IMMP2L: variants seen among roughly 807,000 people sequenced by gnomAD.
IMMP2L encodes the protein inner mitochondrial membrane peptidase subunit 2.
A neutral mutation model predicts 19.3 loss-of-function variants in IMMP2L; 18 were observed. The ratio of observed to expected loss-of-function variants is 0.93; its 90% CI spans 0.64 to 1.38. The LOEUF (loss-of-function observed/expected upper bound fraction) is 1.38. Among genes scored for constraint, IMMP2L ranks in the 40% most tolerant of loss-of-function variants. The pLI is 0.00. For missense variants in IMMP2L, 233 were observed against 218.2 expected (o/e 1.07, Z -0.43); for synonymous variants, 76 against 73.0 (o/e 1.04, Z -0.21).
chr7:111,497,777 T>G (rs1025014056), intron 2 of IMMP2L, among the ~76,000 whole-genome samples: 1 of 151,986 alleles, frequency 6.6e-6, no homozygotes, highest in Non-Finnish European at 1.5e-5. Flanking sequence ...ATCTGTTAAG[T>G]GGGCTAACAT....
intron 5 of IMMP2L, among the ~76,000 whole-genome samples, chr7:110,741,272 C>A (rs955657415): frequency 6.6e-6 from 1 of 152,220 alleles, no homozygotes; most frequent in East Asian, 1.9e-4. Flanking sequence ...ATGGACACGA[C>A]CTGTTCCCCC....
chr7:111,487,251 T>C lies in IMMP2L; in HGVS notation c.226A>G (p.Ile76Val). 1.3e-6 allele frequency: 2 copies of C among 1,544,890 alleles called. No individual in the cohort carries two copies. Among genetic ancestry groups the C allele is most frequent in the Non-Finnish European group, 8.9e-7 (1 of 1,117,486 alleles). The stretch of plus-strand genomic sequence containing the variant: ...TGAGTTACTTACACCAATGATACAA[T>C]GTCACCACGGTGTACTTCAAAATTC... ...VRNFEVHRGDIVSLVSPKNPE... is the reference protein window; with the variant it reads ...VRNFEVHRGDVVSLVSPKNPE... Residue 76 changes from isoleucine (I) to valine (V), a missense_variant, in exon 3 of 6, where the codon ATT (isoleucine) becomes GTT (valine). Transcript: ENST00000405709.
chr7:111,272,856 C>T (rs1027186723), intron 3 of IMMP2L, among the ~76,000 whole-genome samples: 5 of 152,014 alleles, frequency 3.3e-5, no homozygotes, highest in African/African-American at 1.2e-4. Context: ...AGTAAGATCA[C>T]CTCAGATTAT....
At chr7:111,404,023 C>A (rs1445856250) in intron 3 of IMMP2L, among the ~76,000 whole-genome samples, 3 of 152,140 alleles carry the variant, frequency 2.0e-5, no homozygotes, top group African/African-American at 7.2e-5. Context: ...CGGCATAACA[C>A]ACAGGGAGTT....
At chr7:111,059,629 C>T (rs1177606555) in intron 3 of IMMP2L, among the ~76,000 whole-genome samples, 1 of 152,132 alleles carries the variant, frequency 6.6e-6, no homozygotes, top group Non-Finnish European at 1.5e-5. Context: ...CTCAAATGCT[C>T]ACTTAATTTT....
At chr7:111,268,014 AT>A (rs1302180830) in intron 3 of IMMP2L, among the ~76,000 whole-genome samples, 1 of 152,192 alleles carries the variant, frequency 6.6e-6, no homozygotes, top group Admixed American at 6.5e-5. Context: ...GGCACTAATT[AT>A]AAATAATAAC....
chr7:111,064,036 G>C (rs1364663741), intron 3 of IMMP2L, among the ~76,000 whole-genome samples: 2 of 152,082 alleles, frequency 1.3e-5, no homozygotes, highest in Non-Finnish European at 2.9e-5. Flanking sequence ...CCAATTTACT[G>C]TATTCATCAG....
At chr7:111,480,147 A>G (rs933017033) in intron 3 of IMMP2L, among the ~76,000 whole-genome samples, 16 of 150,476 alleles carry the variant, frequency 1.1e-4, no homozygotes, top group Non-Finnish European at 1.3e-4. Flanking sequence ...GCAGTGGCGC[A>G]ATCTCGGCTC....
chr7:111,451,296 A>G lies in IMMP2L; in HGVS notation c.239+35942T>C, dbSNP rs1021084430. ...ATTGCGGCATTATTCACAATAGCAA[A>G]GACTTGGAACCAACCCAAATGTCCA... On this transcript the variant is annotated intron_variant, in intron 3 of 5. Transcript: ENST00000405709. Among the ~76,000 whole-genome samples, 75 of 150,932 alleles carry G rather than the reference A, an allele frequency of 5.0e-4. 2 individuals carry two copies. The highest frequency in any genetic ancestry group is 1.7e-3 in the African/African-American group (69 of 40,616).
At chr7:111,282,560 T>C (rs976278520) in intron 3 of IMMP2L, among the ~76,000 whole-genome samples, 2 of 152,034 alleles carry the variant, frequency 1.3e-5, no homozygotes, top group Non-Finnish European at 2.9e-5. Flanking sequence ...ACAATAATAG[T>C]TGGAAATTTA....
intron 5 of IMMP2L, among the ~76,000 whole-genome samples, chr7:110,804,286 A>G (rs989846214): frequency 3.3e-5 from 5 of 152,020 alleles, no homozygotes; most frequent in Non-Finnish European, 7.4e-5. Flanking sequence ...TCTGTGTGGC[A>G]TTCCTAAAAG....
At chr7:111,005,782 A>G (rs189520214) in intron 3 of IMMP2L, among the ~76,000 whole-genome samples, 62 of 152,308 alleles carry the variant, frequency 4.1e-4, no homozygotes, top group Admixed American at 3.1e-3. Context: ...ATGCAAGTTT[A>G]TTCTTTGAAA....
intron 3 of IMMP2L, among the ~76,000 whole-genome samples, chr7:111,320,785 G>A (rs1327557320): frequency 6.6e-6 from 1 of 152,018 alleles, no homozygotes; most frequent in East Asian, 1.9e-4. Flanking sequence ...TTCTCCAGGT[G>A]ACACATCTGT....
chr7:110,791,602 G>C (rs570021143), intron 5 of IMMP2L, among the ~76,000 whole-genome samples: 1 of 151,738 alleles, frequency 6.6e-6, no homozygotes, highest in South Asian at 2.1e-4. Flanking sequence ...GGAACCAACT[G>C]TGTGATGGAT....
In IMMP2L at chr7:111,547,515, C is replaced by CCCCG. The variant is rs1176712613; in HGVS notation, c.-3+14335_-3+14336insCGGG. Among the ~76,000 whole-genome samples, 101 of 147,950 alleles carry CCCCG rather than the reference C, an allele frequency of 6.8e-4. 3 individuals carry two copies. Among genetic ancestry groups the CCCCG allele is most frequent in the African/African-American group, 2.5e-3 (97 of 38,810 alleles). ...TAAACAAACTGTCATACCCCCCCCCCCTTTTTATCCTGCTTTTTTGCTTGT... is the reference window on the plus strand; with the variant it reads ...TAAACAAACTGTCATACCCCCCCCCCCCCGCTTTTTATCCTGCTTTTTTGCTTGT... On this transcript the variant is annotated intron_variant, in intron 1 of 5. Transcript: ENST00000405709.
chr7:111,545,650 T>C (rs1563339865), intron 1 of IMMP2L, among the ~76,000 whole-genome samples: 1 of 152,182 alleles, frequency 6.6e-6, no homozygotes. Flanking sequence ...CCTCTCAAAT[T>C]ATATACTGTG....
intron 1 of IMMP2L, among the ~76,000 whole-genome samples, chr7:111,537,737 T>C (rs1046267813): frequency 3.3e-5 from 5 of 151,878 alleles, no homozygotes; most frequent in African/African-American, 1.2e-4. Flanking sequence ...AGTTTCATCA[T>C]GTTTCCCAGG....
intron 3 of IMMP2L, among the ~76,000 whole-genome samples, chr7:111,187,421 A>T (rs944296555): frequency 6.6e-6 from 1 of 152,178 alleles, no homozygotes; most frequent in Non-Finnish European, 1.5e-5. Context: ...CCCAAGTTAC[A>T]TATCTAACCT....
chr7:111,456,645 T>C, intron 3 of IMMP2L, among the ~76,000 whole-genome samples: 1 of 152,184 alleles, frequency 6.6e-6, no homozygotes. Flanking sequence ...TTTTGTAATA[T>C]GTTATAAAAG....
Sources: gnomAD v4.1 joint callset for allele counts (sites outside exome capture counted in the v4.1 genomes callset) on GRCh38, gnomAD v4.1.1 for gene constraint, MANE v1.5 for transcripts, NCBI Gene and HGNC (gene_info 2026-07-23, HGNC 2026-07-21) for gene names.